TPO: variants seen among roughly 807,000 people sequenced by gnomAD.
The protein encoded by TPO is thyroid microsomal antigen.
Under a neutral mutation model 96.9 loss-of-function variants are expected in TPO, and 78 were observed. The observed-to-expected ratio is 0.81, with a 90% CI of 0.67 to 0.97. The LOEUF (loss-of-function observed/expected upper bound fraction) is 0.97. TPO is among the 50% of genes least tolerant of loss of function. The pLI is 0.00. For missense variants in TPO, 1,252 were observed against 1,274.8 expected, an observed-to-expected ratio of 0.98 and a Z score of 0.27; for synonymous variants, 547 against 538.0, an observed-to-expected ratio of 1.02 and a Z score of -0.23.
intron 5 of TPO, among the ~76,000 whole-genome samples, chr2:1,438,618 G>T (rs954654398): frequency 6.7e-6 from 1 of 150,302 alleles, no homozygotes; most frequent in African/African-American, 2.4e-5. Context: ...ACGTCAGGGG[G>T]ATGATGAATT....
intron 2 of TPO, among the ~76,000 whole-genome samples, chr2:1,420,601 G>T (rs1334417952): frequency 6.6e-6 from 1 of 152,192 alleles, no homozygotes; most frequent in Admixed American, 6.5e-5. Flanking sequence ...TCTTGGGCAG[G>T]TGGTGGACGT....
intron 5 of TPO, among the ~76,000 whole-genome samples, chr2:1,453,065 A>C (rs901610421): frequency 6.6e-6 from 1 of 152,218 alleles, no homozygotes; most frequent in Admixed American, 6.5e-5. Context: ...CGCCAAATCA[A>C]ACAGCCAAAT....
At chr2:1,504,598 C>A (rs777659383) in intron 14 of TPO, among the ~76,000 whole-genome samples, 1 of 152,232 alleles carries the variant, frequency 6.6e-6, no homozygotes, top group African/African-American at 2.4e-5. Flanking sequence ...CAGCTCTGCA[C>A]TCAGCTCAGG....
chr2:1,496,889 C>T, intron 13 of TPO, 124 bp downstream of exon 13: 1 of 1,440,640 alleles, frequency 6.9e-7, no homozygotes, highest in Non-Finnish European at 9.5e-7. Context: ...TTCCCAGGAG[C>T]AATCTGGGGA....
intron 1 of TPO, among the ~76,000 whole-genome samples, chr2:1,387,853 G>C (rs1324431843): frequency 6.6e-6 from 1 of 152,100 alleles, no homozygotes; most frequent in Admixed American, 6.6e-5. Context: ...ATCTACCTTT[G>C]GTCTTTGATG....
At chr2:1,514,731 A>C (rs1012039266) in intron 14 of TPO, among the ~76,000 whole-genome samples, 24 of 152,212 alleles carry the variant, frequency 1.6e-4, no homozygotes, top group African/African-American at 5.5e-4. Context: ...TCTGGTTCCA[A>C]GCGGATTTAC....
chr2:1,458,227 G>A (rs112887182), intron 7 of TPO, among the ~76,000 whole-genome samples: 3,046 of 151,980 alleles, frequency 0.02, 52 homozygotes, highest in Middle Eastern at 0.031. Context: ...GATACTGTGT[G>A]GGCACATGTG....
intron 1 of TPO, among the ~76,000 whole-genome samples, chr2:1,405,522 C>T (rs952161625): frequency 6.6e-6 from 1 of 152,002 alleles, no homozygotes; most frequent in Non-Finnish European, 1.5e-5. Context: ...CACCCACCAC[C>T]TCCCCGCCCA....
intron 3 of TPO, among the ~76,000 whole-genome samples, chr2:1,430,148 A>G (rs73183029): frequency 6.6e-6 from 1 of 152,282 alleles, no homozygotes; most frequent in African/African-American, 2.4e-5. Flanking sequence ...GGAGGAAAGA[A>G]TGACTTCAGA....
intron 1 of TPO, among the ~76,000 whole-genome samples, chr2:1,385,903 G>C (rs1315204430): frequency 1.3e-5 from 2 of 151,892 alleles, no homozygotes; most frequent in African/African-American, 4.8e-5. Flanking sequence ...CAGAGATTCT[G>C]GTATGTTGTG....
At chr2:1,510,419 T>C (rs1673981818) in intron 14 of TPO, among the ~76,000 whole-genome samples, 1 of 152,164 alleles carries the variant, frequency 6.6e-6, no homozygotes, top group East Asian at 1.9e-4. Context: ...GATGGCTCCA[T>C]GGGGCCCCAG....
At chr2:1,408,924 G>A (rs1558249658), upstream of TPO, among the ~76,000 whole-genome samples, 1 of 152,210 alleles carries the variant, frequency 6.6e-6, no homozygotes, top group Non-Finnish European at 1.5e-5. Flanking sequence ...AAGGGCAGGA[G>A]AGGTGACCCT....
intron 15 of TPO, among the ~76,000 whole-genome samples, chr2:1,524,498 T>C (rs13430024): frequency 0.58 from 43,979 of 76,274 alleles, 10,368 homozygotes; most frequent in South Asian, 0.61. Flanking sequence ...CCTCAAATCC[T>C]CCCACTGTGT....
intron 15 of TPO, among the ~76,000 whole-genome samples, chr2:1,527,617 AG>A (rs1676893151): frequency 7.1e-6 from 1 of 140,132 alleles, no homozygotes; most frequent in South Asian, 2.5e-4. Flanking sequence ...AACCTCTCCA[AG>A]TCACCCCTAC....
At chr2:1,487,047 C>T (rs530067488) in intron 9 of TPO, among the ~76,000 whole-genome samples, 24 of 152,314 alleles carry the variant, frequency 1.6e-4, no homozygotes, top group African/African-American at 5.3e-4. Context: ...TGGGTTCACA[C>T]GCCACTGAGA....
At position 1,404,574 on chromosome 2, in the gene TPO, C is replaced by T. The variant is rs1367906482; in HGVS notation, n.180+30172C>T. ...AAGAGGAGATTAGGACACAGACACA[C>T]ACAGAGGGATGACTGTGTGAAGACG... On this transcript the variant is annotated intron_variant and non_coding_transcript_variant, in intron 1 of 5. Coordinates refer to the TPO transcript ENST00000497517. Among the ~76,000 whole-genome samples the T allele has an allele frequency of 3.3e-5, 5 of 152,188 alleles. No homozygotes were observed. The South Asian group carries it at 8.3e-4, about 25-fold the overall frequency.
intron 15 of TPO, among the ~76,000 whole-genome samples, chr2:1,525,805 T>G (rs1573553699): frequency 8.4e-6 from 1 of 118,530 alleles, no homozygotes; most frequent in Non-Finnish European, 1.8e-5. Flanking sequence ...TCACCAAATT[T>G]CCCCGTGTGC....
intron 5 of TPO, chr2:1,438,923 C>T (rs1339151870): frequency 2.8e-6 from 2 of 708,464 alleles, no homozygotes; most frequent in Non-Finnish European, 5.2e-6. Flanking sequence ...CCAGTCAAAG[C>T]TTTTCTCCAA....
intron 1 of TPO, among the ~76,000 whole-genome samples, chr2:1,387,769 TGGA>T (rs1237225937): frequency 6.6e-6 from 1 of 152,244 alleles, no homozygotes; most frequent in Non-Finnish European, 1.5e-5. Context: ...TGCGTTCCTT[TGGA>T]GGAGGAGAGG....
Sources: allele counts gnomAD v4.1 joint callset (sites outside exome capture counted in the v4.1 genomes callset), GRCh38; gene constraint gnomAD v4.1.1; transcripts MANE v1.5; gene names NCBI Gene and HGNC (gene_info 2026-07-23, HGNC 2026-07-21).